The following RAB18 variants were observed in gnomAD, a reference collection of about 807,000 sequenced individuals.
RAB18 encodes the protein RAB18, member RAS oncogene family.
In RAB18, 10 loss-of-function variants were observed where a neutral mutation model predicts 28.5. The observed-to-expected ratio is 0.35, with a 90% confidence interval of 0.22 to 0.60. The LOEUF is 0.60. Ranked by LOEUF, RAB18 falls within the 20% of genes least tolerant of loss-of-function variation. RAB18 has a pLI of 0.78. For synonymous variants in RAB18, 93 were observed against 86.9 expected (o/e 1.07, Z -0.39); for missense variants, 188 against 244.2 (o/e 0.77, Z 1.53).
At chr10:27,513,253 T>G (rs1211096600) in intron 2 of RAB18, among the ~76,000 whole-genome samples, 2 of 152,016 alleles carry the variant, frequency 1.3e-5, no homozygotes, top group South Asian at 4.2e-4. Flanking sequence ...CAGGCTGGTC[T>G]TGAACTCCTG....
rs200496365 is a variant in RAB18 at position 27,539,632 on chromosome 10, G to T, written c.*1581G>T. ...TAAAACTTGAGATTTGTGTATTTAT[G>T]TAGAGTCTGTATTGACAAGACTGTT... is the stretch of plus-strand genomic sequence containing the variant. On this transcript the variant is annotated 3_prime_UTR_variant, in exon 7 of 7. Coordinates refer to ENST00000356940, the MANE Select transcript of RAB18 (RefSeq NM_021252.5). 4 of 452,754 alleles carry T rather than the reference G, an allele frequency of 8.8e-6. No individual in the cohort carries two copies. The highest frequency in any genetic ancestry group is 1.8e-5 in the Non-Finnish European group (4 of 226,434). 28.0% of individuals were successfully genotyped at this position (452,754 alleles called of 1,614,324 possible). A position where few individuals can be genotyped will look rare whatever the true frequency, so the allele number is the denominator to read the frequency against.
chr10:27,517,023 C>T (rs1209013045), intron 2 of RAB18, among the ~76,000 whole-genome samples: 2 of 152,080 alleles, frequency 1.3e-5, no homozygotes, highest in Non-Finnish European at 2.9e-5. Context: ...AACAAGTAGG[C>T]ACCAAACATA....
intron 2 of RAB18, among the ~76,000 whole-genome samples, chr10:27,516,742 A>G (rs1019185917): frequency 3.3e-5 from 5 of 152,336 alleles, no homozygotes; most frequent in African/African-American, 1.2e-4. Flanking sequence ...AATGCTAAAT[A>G]TAATTAAGAG....
chr10:27,504,382 G>C lies in RAB18; in HGVS notation c.13G>C (p.Val5Leu). MDED[V>L]LTTLKILIIG... is the part of the protein sequence containing the mutation. ...GAACGGGGTCAGGATGGACGAGGAC[G>C]TGCTAACCACCCTGAAGATCCTCAT... Residue 5 changes from valine (V) to leucine (L), a missense_variant, in exon 1 of 7, where the codon GTG becomes CTG. Coordinates refer to ENST00000356940, the MANE Select transcript of RAB18 (RefSeq NM_021252.5). 6.3e-7 allele frequency: 1 copy of C among 1,576,146 alleles called. No individual in the cohort carries two copies. The highest frequency in any genetic ancestry group is 8.6e-7 in the Non-Finnish European group (1 of 1,161,250).
chr10:27,541,403 C>T lies in RAB18; in HGVS notation c.*3352C>T, dbSNP rs1264818399. ...TGGGAACATCTATCATGCTGGAGGA[C>T]TACTGTGATGGGGCTTTACATTTTA... On this transcript the variant is annotated 3_prime_UTR_variant, in exon 7 of 7. Coordinates refer to ENST00000356940, the MANE Select transcript of RAB18 (RefSeq NM_021252.5). 2.2e-6 allele frequency: 1 copy of T among 452,314 alleles called. No individual in the cohort carries two copies. The highest frequency in any genetic ancestry group is 4.4e-6 in the Non-Finnish European group (1 of 226,606). 28.0% of individuals were successfully genotyped at this position (452,314 alleles called of 1,614,324 possible). A position where few individuals can be genotyped will look rare whatever the true frequency, so the allele number is the denominator to read the frequency against.
chr10:27,537,765 G>A, intron 6 of RAB18, 111 bp from the exon 7 acceptor site: 1 of 915,886 alleles, frequency 1.1e-6, no homozygotes, highest in South Asian at 1.6e-5. Context: ...TGCTGATTTG[G>A]ATCTTAATAT....
intron 3 of RAB18, among the ~76,000 whole-genome samples, chr10:27,530,040 C>T (rs913949499): frequency 1.3e-5 from 2 of 151,934 alleles, no homozygotes; most frequent in Non-Finnish European, 2.9e-5. Flanking sequence ...ACTGGAATTG[C>T]AGTTCTGATT....
In RAB18 at chr10:27,538,909, T is replaced by A. The variant is rs1344011805; in HGVS notation, c.*858T>A. Reference sequence around the variant, plus strand: ...TTTGTCCAGGTACCTTAACTGTAGCTTGTGTAATGTTGATGAATATCTGTA... The same window carrying A: ...TTTGTCCAGGTACCTTAACTGTAGCATGTGTAATGTTGATGAATATCTGTA... On this transcript the variant is annotated 3_prime_UTR_variant, in exon 7 of 7. Transcript: ENST00000356940. The A allele has an allele frequency of 1.3e-5, 6 of 453,940 alleles. No individual in the cohort carries two copies. The highest frequency in any genetic ancestry group is 2.6e-5 in the Non-Finnish European group (6 of 226,670). 28.1% of individuals were successfully genotyped at this position (453,940 alleles called of 1,614,324 possible). A position where few individuals can be genotyped will look rare whatever the true frequency, so the allele number is the denominator to read the frequency against.
intron 3 of RAB18, among the ~76,000 whole-genome samples, chr10:27,529,588 A>C (rs576744023): frequency 1.3e-5 from 2 of 151,932 alleles, no homozygotes; most frequent in Non-Finnish European, 2.9e-5. Flanking sequence ...AAGCCTTTCT[A>C]GATCTTTCCT....
rs1174252939 is a variant in RAB18, at chr10:27,538,413, A to G, written c.*362A>G. On this transcript the variant is annotated 3_prime_UTR_variant, in exon 7 of 7. Transcript: ENST00000356940. ...CTTAAATACTCCTATCATTTTCTGA[A>G]TTACTTGGTATTTAGAACTCCTAGC... The G allele has an allele frequency of 2.2e-6, 1 of 458,814 alleles. No individual in the cohort carries two copies. Among genetic ancestry groups the G allele is most frequent in the Admixed American group, 2.3e-5 (1 of 42,706 alleles). 28.4% of individuals were successfully genotyped at this position (458,814 alleles called of 1,614,324 possible). A position where few individuals can be genotyped will look rare whatever the true frequency, so the allele number is the denominator to read the frequency against.
chr10:27,526,009 A>G (rs566383806), intron 2 of RAB18, among the ~76,000 whole-genome samples: 6 of 152,324 alleles, frequency 3.9e-5, no homozygotes, highest in Admixed American at 2.0e-4. Context: ...CTTGAAAGAC[A>G]TGTGGGCAGT....
intron 6 of RAB18, among the ~76,000 whole-genome samples, chr10:27,535,555 G>A (rs2132411452): frequency 6.6e-6 from 1 of 152,300 alleles, no homozygotes; most frequent in Non-Finnish European, 1.5e-5. Context: ...TCCAATTGTG[G>A]TGGAAAGTAG....
At chr10:27,536,916 A>C (rs1486622215) in intron 6 of RAB18, among the ~76,000 whole-genome samples, 1 of 152,236 alleles carries the variant, frequency 6.6e-6, no homozygotes, top group South Asian at 2.1e-4. Flanking sequence ...ATAACTCTTT[A>C]GAAGAGGTTT....
At chr10:27,534,717 G>T (rs1312609697) in intron 6 of RAB18, among the ~76,000 whole-genome samples, 1 of 152,202 alleles carries the variant, frequency 6.6e-6, no homozygotes, top group African/African-American at 2.4e-5. Flanking sequence ...TTTATTGAAA[G>T]CACTCTAGTT....
intron 4 of RAB18, 106 bp from the exon 5 acceptor site, chr10:27,533,625 AAAAG>A: frequency 7.6e-7 from 1 of 1,320,266 alleles, no homozygotes; most frequent in Non-Finnish European, 1.0e-6. Context: ...GACAATAAAA[AAAAG>A]ACTTGTCTAT....
chr10:27,523,862 G>A (rs1834619393), intron 2 of RAB18, among the ~76,000 whole-genome samples: 1 of 151,912 alleles, frequency 6.6e-6, no homozygotes, highest in Non-Finnish European at 1.5e-5. Context: ...GGCGGATCAC[G>A]AGGTCAGGAG....
At chr10:27,536,619 G>A (rs937907521) in intron 6 of RAB18, among the ~76,000 whole-genome samples, 1 of 152,188 alleles carries the variant, frequency 6.6e-6, no homozygotes, top group Non-Finnish European at 1.5e-5. Flanking sequence ...GAAAGAGGAA[G>A]TGCCAGCAAA....
chr10:27,539,306 A>G lies in RAB18; in HGVS notation c.*1255A>G. 3.5e-6 allele frequency: 1 copy of G among 289,730 alleles called. No individual in the cohort carries two copies. Among genetic ancestry groups the G allele is most frequent in the Non-Finnish European group, 6.7e-6 (1 of 149,666 alleles). 17.9% of individuals were successfully genotyped at this position (289,730 alleles called of 1,614,324 possible). On this transcript the variant is annotated 3_prime_UTR_variant, in exon 7 of 7. Coordinates refer to ENST00000356940, the MANE Select transcript of RAB18 (RefSeq NM_021252.5). The stretch of plus-strand genomic sequence containing the variant: ...GGTTACTATAATACCCCTCAGTAAG[A>G]TTCCAGTATTAATTTCTGGGCAGTT...
At chr10:27,507,543 T>TC (rs1479570624) in intron 1 of RAB18, among the ~76,000 whole-genome samples, 4 of 140,280 alleles carry the variant, frequency 2.9e-5, no homozygotes, top group African/African-American at 1.0e-4. Context: ...CCCCTTGCCT[T>TC]CCCTTTTTTT....
Sources: allele counts gnomAD v4.1 joint callset (sites outside exome capture counted in the v4.1 genomes callset), GRCh38; gene constraint gnomAD v4.1.1; transcripts MANE v1.5; gene names NCBI Gene and HGNC (gene_info 2026-07-23, HGNC 2026-07-21).